Variants in ZNF728 observed in about 807,000 individuals in gnomAD.
ZNF728 encodes zinc finger protein 728.
Under a neutral mutation model 12.5 loss-of-function variants are expected in ZNF728, and 12 were observed. The ratio of observed to expected loss-of-function variants is 0.96; its 90% CI spans 0.61 to 1.55. The LOEUF (loss-of-function observed/expected upper bound fraction) is 1.55, where lower values mean the gene tolerates loss of function less well. Ranked by LOEUF, ZNF728 falls within the 40% of genes most tolerant of loss-of-function variation. The probability of loss-of-function intolerance (pLI) is 0.00; values close to 1 mark genes in which losing one functional copy is unlikely to be tolerated. For synonymous variants in ZNF728, 205 were observed against 240.7 expected, an observed-to-expected ratio of 0.85 and a Z score of 1.37; for missense variants, 692 against 719.2, an observed-to-expected ratio of 0.96 and a Z score of 0.43.
chr19:22,976,959 G>A lies in ZNF728; in HGVS notation c.378C>T (p.His126=), dbSNP rs1158572041. Residue 126 remains histidine, a synonymous_variant, in exon 4 of 4, where the codon CAC becomes CAT. Transcript: ENST00000594710. ...GGTTAAGCTTATTATAACCTTTTTT[G>A]TGCACCTTACACTCATCCACATTGG... ...GCTNVDECKV[H]KKGYNKLNQS... The A allele has an allele frequency of 6.2e-7, 1 of 1,613,216 alleles. No individual in the cohort carries two copies. The highest frequency in any genetic ancestry group is 2.2e-5 in the East Asian group (1 of 44,824).
At position 22,987,375 on chromosome 19, in the gene ZNF728, G is replaced by C; in HGVS notation, c.159C>G (p.Ile53Met). 1 of 1,611,714 alleles carries C rather than the reference G, an allele frequency of 6.2e-7. No homozygotes were observed. Among genetic ancestry groups the C allele is most frequent in the Middle Eastern group, 1.7e-4 (1 of 6,048 alleles). The change falls in exon 3 of 4, where the codon ATC (isoleucine) becomes ATG (methionine). Residue 53 changes from isoleucine to methionine, a missense_variant. Around this residue, in one of 3 missense-constraint regions of ZNF728, gnomAD observed 440 missense variants for 459.6 expected, o/e 0.96. Transcript: ENST00000594710. ...GCTCTTTTCCTTGCTCCAGAAAAAT[G>C]ATCAGGTCTGGCTTAGGGGCAGCAA... Reference protein sequence around the residue: ...LGIAAPKPDLIIFLEQGKEPW... With the variant: ...LGIAAPKPDLMIFLEQGKEPW...
At position 22,975,488 on chromosome 19, in the gene ZNF728, C is replaced by G; in HGVS notation, c.1849G>C (p.Gly617Arg). 1 of 1,529,578 alleles carries G rather than the reference C, an allele frequency of 6.5e-7. No individual in the cohort carries two copies. The allele number at this position is 1,529,578 out of a possible 1,614,324, so 94.8% of individuals were successfully genotyped here. ...LTTHKRIHTGGKTLQM is the reference protein window; with the variant it reads ...LTTHKRIHTGRKTLQM ...ATTTTTCACATTTGTAGGGTTTTTCCTCCAGTATGAATTCTCTTATGAGTA... is the reference window on the plus strand; with the variant it reads ...ATTTTTCACATTTGTAGGGTTTTTCGTCCAGTATGAATTCTCTTATGAGTA... Residue 617 changes from glycine (G) to arginine (R), a missense_variant, in exon 4 of 4, where the codon GGA becomes CGA. Gly to Arg is a moderately radical substitution (Grantham distance 125, BLOSUM62 -2). Coordinates refer to ENST00000594710, the MANE Select transcript of ZNF728 (RefSeq NM_001267716.2).
intron 1 of ZNF728, among the ~76,000 whole-genome samples, chr19:22,996,786 A>T (rs189578749): frequency 0.011 from 1,687 of 152,164 alleles, 42 homozygotes; most frequent in African/African-American, 0.037. Context: ...ACTTTTTTTT[A>T]AAAAATTAAC....
intron 1 of ZNF728, among the ~76,000 whole-genome samples, chr19:23,002,383 C>A (rs1421346838): frequency 6.6e-6 from 1 of 152,186 alleles, no homozygotes; most frequent in East Asian, 1.9e-4. Context: ...GCTTAACAAA[C>A]TATAAACTGC....
intron 3 of ZNF728, among the ~76,000 whole-genome samples, chr19:22,979,445 G>T (rs1225741081): frequency 6.6e-6 from 1 of 152,120 alleles, no homozygotes; most frequent in African/African-American, 2.4e-5. Flanking sequence ...CACTCTTCAG[G>T]ATATCATCCA....
At chr19:22,999,012 A>G (rs1479566984) in intron 1 of ZNF728, among the ~76,000 whole-genome samples, 1 of 152,188 alleles carries the variant, frequency 6.6e-6, no homozygotes, top group Non-Finnish European at 1.5e-5. Context: ...CTGAACTCTG[A>G]GCTATGCTCA....
intron 1 of ZNF728, among the ~76,000 whole-genome samples, chr19:22,988,657 A>G (rs1968946944): frequency 6.6e-6 from 1 of 152,250 alleles, no homozygotes; most frequent in African/African-American, 2.4e-5. Flanking sequence ...TAAGATCCAT[A>G]ACATCAGTGT....
Position 22,976,462 on chromosome 19 carries a change from G to GT in ZNF728, c.874_875insA (p.Ala292AspfsTer3), listed in dbSNP as rs781062234. 3.1e-6 allele frequency: 5 copies of GT among 1,612,814 alleles called. No individual in the cohort carries two copies. Reference sequence around the variant, plus strand: ...AGTAAGGGTTGAGGCCTTACTAAAGGCTTTGCCACATTCTTCACATTTGTA... The same window carrying GT: ...AGTAAGGGTTGAGGCCTTACTAAAGGTCTTTGCCACATTCTTCACATTTGTA... On this transcript the variant is annotated frameshift_variant, in exon 4 of 4. Coordinates refer to ENST00000594710, the MANE Select transcript of ZNF728 (RefSeq NM_001267716.2). LOFTEE classifies it low-confidence loss of function (END_TRUNC).
intron 1 of ZNF728, among the ~76,000 whole-genome samples, chr19:23,000,250 C>A (rs184830236): frequency 2.6e-5 from 4 of 151,914 alleles, no homozygotes; most frequent in Admixed American, 2.6e-4. Flanking sequence ...TGGTGGCGGG[C>A]GCCTGTAGTC....
At chr19:22,997,740 A>G (rs1317531745) in intron 1 of ZNF728, among the ~76,000 whole-genome samples, 3 of 152,030 alleles carry the variant, frequency 2.0e-5, no homozygotes, top group Non-Finnish European at 4.4e-5. Flanking sequence ...AAAAAAAAAA[A>G]AAGGAAATAA....
chr19:22,990,933 TTCTGCAGGTATGGAAAGG>T (rs1169655802), intron 1 of ZNF728, among the ~76,000 whole-genome samples: 2 of 152,208 alleles, frequency 1.3e-5, no homozygotes, highest in Non-Finnish European at 2.9e-5. Context: ...TGAAATGTAA[TTCTGCAGGTATGGAAAGG>T]GTCCACAAAT....
rs780198468 is a variant in ZNF728, at chr19:22,976,899, T to C, written c.438A>G (p.Gln146=). The C allele has an allele frequency of 1.2e-5, 19 of 1,613,524 alleles. No individual in the cohort carries two copies. The highest frequency in any genetic ancestry group is 4.5e-5 in the East Asian group (2 of 44,822). The stretch of plus-strand genomic sequence containing the variant: ...GAAAGATGTTTGCATATTTGCCACA[T>C]TGAAATACTTTGCTTTGTGTAGTTG... ...SLTTTQSKVF[Q]CGKYANIFHK... Residue 146 remains glutamine, a synonymous_variant, in exon 4 of 4, where the codon CAA becomes CAG. Transcript: ENST00000594710.
chr19:22,976,438 G>C lies in ZNF728; in HGVS notation c.899C>G (p.Thr300Ser), dbSNP rs745715960. The C allele has an allele frequency of 1.2e-6, 2 of 1,612,572 alleles. No homozygotes were observed. Among genetic ancestry groups the C allele is most frequent in the Admixed American group, 3.3e-5 (2 of 59,904 alleles). The change falls in exon 4 of 4, where the codon ACT becomes AGT. Residue 300 changes from threonine to serine, a missense_variant. Physicochemically the swap from Thr to Ser is moderately conservative, Grantham distance 58. Around this residue, in one of 3 missense-constraint regions of ZNF728, gnomAD observed 440 missense variants for 459.6 expected, o/e 0.96. Transcript: ENST00000594710. ...GKAFSKASTL[T>S]AHKTIHAGEK... The stretch of plus-strand genomic sequence containing the variant: ...TCCAGCATGAATTGTCTTATGTGCA[G>C]TAAGGGTTGAGGCCTTACTAAAGGC...
intron 3 of ZNF728, among the ~76,000 whole-genome samples, chr19:22,986,219 A>G (rs563206488): frequency 5.2e-4 from 79 of 152,312 alleles, no homozygotes; most frequent in African/African-American, 1.9e-3. Context: ...ATGGAAAAGT[A>G]TATTGTGCCC....
Position 22,975,979 on chromosome 19 carries a change from T to G in ZNF728, c.1358A>C (p.Lys453Thr). Residue 453 changes from lysine to threonine, a missense_variant, in exon 4 of 4, where the codon AAA becomes ACA. Lys to Thr is a moderately conservative substitution (Grantham distance 78, BLOSUM62 -1). Around this residue, in one of 3 missense-constraint regions of ZNF728, gnomAD observed 244 missense variants for 235.2 expected, o/e 1.04. Coordinates refer to ENST00000594710, the MANE Select transcript of ZNF728 (RefSeq NM_001267716.2). ...GAAGACTTTGCCACATTCTTCACAT[T>G]TGTAGTGTTTCTCTCCAGTATGAAT... ...KVIHTGEKHY[K>T]CEECGKVFSW... The G allele has an allele frequency of 6.2e-7, 1 of 1,612,942 alleles. No individual in the cohort carries two copies. The highest frequency in any genetic ancestry group is 8.5e-7 in the Non-Finnish European group (1 of 1,179,920).
chr19:22,989,234 C>T (rs1968957453), intron 1 of ZNF728, among the ~76,000 whole-genome samples: 1 of 149,652 alleles, frequency 6.7e-6, no homozygotes, highest in Non-Finnish European at 1.5e-5. Context: ...TTTTTCAGAA[C>T]ATCAGGGATA....
intron 1 of ZNF728, among the ~76,000 whole-genome samples, chr19:23,002,790 G>A (rs1428770402): frequency 6.6e-6 from 1 of 152,202 alleles, no homozygotes; most frequent in Admixed American, 6.5e-5. Context: ...GGCCCCAAGA[G>A]GGCTCCAGGC....
At chr19:22,989,808 T>C (rs940705589) in intron 1 of ZNF728, among the ~76,000 whole-genome samples, 13 of 152,188 alleles carry the variant, frequency 8.5e-5, no homozygotes, top group African/African-American at 3.1e-4. Flanking sequence ...TTTTAGAATT[T>C]CCTGGGTAAT....
chr19:22,989,213 T>C (rs914814244), intron 1 of ZNF728, among the ~76,000 whole-genome samples: 1 of 132,996 alleles, frequency 7.5e-6, no homozygotes, highest in Non-Finnish European at 1.5e-5. Flanking sequence ...TAATGCAGAT[T>C]ATTATTTTTT....
Sources: allele counts gnomAD v4.1 joint callset (sites outside exome capture counted in the v4.1 genomes callset), GRCh38; gene constraint gnomAD v4.1.1; regional missense constraint gnomAD v4.1.1; transcripts MANE v1.5; gene names NCBI Gene and HGNC (gene_info 2026-07-23, HGNC 2026-07-21).